HSD17B11: variants seen among roughly 807,000 people sequenced by gnomAD.
The protein encoded by HSD17B11 is estradiol 17-beta-dehydrogenase 11.
Under a neutral mutation model 27.8 loss-of-function variants are expected in HSD17B11, and 22 were observed. That is an observed-to-expected ratio of 0.79 (90% CI 0.56 to 1.13). The LOEUF (loss-of-function observed/expected upper bound fraction) is 1.13. HSD17B11 is among the 50% of genes most tolerant of loss of function. The pLI is 0.00. For missense variants in HSD17B11, 314 were observed against 351.1 expected (o/e 0.89, Z 0.84); for synonymous variants, 117 against 132.8 (o/e 0.88, Z 0.82).
At chr4:87,345,850 A>G (rs926956389) in intron 5 of HSD17B11, among the ~76,000 whole-genome samples, 5 of 152,184 alleles carry the variant, frequency 3.3e-5, no homozygotes, top group Non-Finnish European at 7.4e-5. Context: ...ATGGCTTCAT[A>G]ATGAATTCTA....
chr4:87,388,288 T>C (rs1560773457), intron 1 of HSD17B11, among the ~76,000 whole-genome samples: 1 of 152,182 alleles, frequency 6.6e-6, no homozygotes, highest in Non-Finnish European at 1.5e-5. Flanking sequence ...CTTTTCTTCA[T>C]ACTAAGTCTG....
At chr4:87,339,467 TA>T (rs1735123542) in intron 6 of HSD17B11, among the ~76,000 whole-genome samples, 1 of 152,220 alleles carries the variant, frequency 6.6e-6, no homozygotes, top group Non-Finnish European at 1.5e-5. Context: ...ACATCCATGT[TA>T]AAATCTTTAG....
chr4:87,366,390 G>A (rs992727014), intron 4 of HSD17B11, among the ~76,000 whole-genome samples: 1 of 152,096 alleles, frequency 6.6e-6, no homozygotes, highest in Non-Finnish European at 1.5e-5. Context: ...TGTCTCTAAG[G>A]TTTTATTAAA....
At chr4:87,353,836 T>C (rs1735330868) in intron 5 of HSD17B11, among the ~76,000 whole-genome samples, 1 of 152,228 alleles carries the variant, frequency 6.6e-6, no homozygotes, top group Non-Finnish European at 1.5e-5. Flanking sequence ...AAATATGTTA[T>C]TTTAGTATCC....
chr4:87,340,042 G>C (rs1162106346), intron 6 of HSD17B11, among the ~76,000 whole-genome samples: 2 of 151,986 alleles, frequency 1.3e-5, no homozygotes, highest in African/African-American at 2.4e-5. Flanking sequence ...AAGACTCAAG[G>C]ATTTCTAAAA....
chr4:87,371,004 G>A (rs1207089277), intron 4 of HSD17B11, among the ~76,000 whole-genome samples: 1 of 136,690 alleles, frequency 7.3e-6, no homozygotes, highest in African/African-American at 3.1e-5. Flanking sequence ...CGCCCGCCTC[G>A]GCCTCCCAAA....
chr4:87,377,790 A>G (rs1560768626), intron 2 of HSD17B11, among the ~76,000 whole-genome samples: 1 of 152,218 alleles, frequency 6.6e-6, no homozygotes, highest in East Asian at 1.9e-4. Flanking sequence ...ATTTAGAGAT[A>G]GTGCTACAGT....
chr4:87,378,050 A>G (rs2110128044), intron 2 of HSD17B11, among the ~76,000 whole-genome samples: 1 of 152,272 alleles, frequency 6.6e-6, no homozygotes, highest in South Asian at 2.1e-4. Context: ...AGCCCAAGAC[A>G]AGCCACCCCA....
At chr4:87,345,870 T>G (rs191190460) in intron 5 of HSD17B11, among the ~76,000 whole-genome samples, 1 of 152,208 alleles carries the variant, frequency 6.6e-6, no homozygotes, top group Non-Finnish European at 1.5e-5. Context: ...ACCCAATGTT[T>G]AAAAAAGAAT....
At chr4:87,388,253 AATT>A (rs1363877029) in intron 1 of HSD17B11, among the ~76,000 whole-genome samples, 1 of 152,162 alleles carries the variant, frequency 6.6e-6, no homozygotes. Flanking sequence ...ACTATATAAA[AATT>A]ATTAACACAA....
At chr4:87,359,445 AG>A (rs1362526510) in intron 4 of HSD17B11, among the ~76,000 whole-genome samples, 2 of 152,186 alleles carry the variant, frequency 1.3e-5, no homozygotes, top group African/African-American at 4.8e-5. Flanking sequence ...ACTTCAACCT[AG>A]GAACTTCTGT....
In HSD17B11 at chr4:87,354,957, A is replaced by G. The variant is rs1162410639; in HGVS notation, c.695+2322T>C. Among the ~76,000 whole-genome samples, 4 of 150,988 alleles carry G rather than the reference A, an allele frequency of 2.6e-5. 1 individual carries two copies. Among genetic ancestry groups the G allele is most frequent in the African/African-American group, 9.7e-5 (4 of 41,094 alleles). On this transcript the variant is annotated intron_variant, in intron 5 of 6. Coordinates refer to ENST00000358290, the MANE Select transcript of HSD17B11 (RefSeq NM_016245.5). ...AGCAAAATCCTGGCTCTCAAAAAAA[A>G]AAAAAAAAAAAAAAATTAGCTGGGC...
intron 1 of HSD17B11, 45 bp from the exon 2 acceptor site, chr4:87,382,407 ATAT>A: frequency 9.1e-7 from 1 of 1,102,950 alleles, no homozygotes; most frequent in East Asian, 2.4e-5. Context: ...TGATATGAAC[ATAT>A]TATATCGACA....
intron 2 of HSD17B11, among the ~76,000 whole-genome samples, chr4:87,376,835 A>G (rs2110127340): frequency 6.6e-6 from 1 of 152,314 alleles, no homozygotes; most frequent in South Asian, 2.1e-4. Context: ...CTGGACTGTA[A>G]AGACTATTTG....
chr4:87,381,664 T>C (rs1720171557), intron 2 of HSD17B11, among the ~76,000 whole-genome samples: 1 of 148,438 alleles, frequency 6.7e-6, no homozygotes, highest in Non-Finnish European at 1.5e-5. Flanking sequence ...GAGGCTGAGG[T>C]GGGAGGATTG....
intron 1 of HSD17B11, among the ~76,000 whole-genome samples, chr4:87,383,901 T>A (rs1720237145): frequency 6.6e-6 from 1 of 152,108 alleles, no homozygotes; most frequent in African/African-American, 2.4e-5. Flanking sequence ...TACTTTTGCA[T>A]CAACCTAATA....
At chr4:87,374,955 G>A (rs1735790550) in intron 2 of HSD17B11, 125 bp from the exon 3 acceptor site, 2 of 617,014 alleles carry the variant, frequency 3.2e-6, no homozygotes, top group Non-Finnish European at 5.1e-6. Context: ...GTACAGTGGC[G>A]AAATCTTGGC....
At chr4:87,338,448 A>G (rs1364944835) in intron 6 of HSD17B11, among the ~76,000 whole-genome samples, 1 of 152,258 alleles carries the variant, frequency 6.6e-6, no homozygotes, top group Non-Finnish European at 1.5e-5. Flanking sequence ...AACAAGAATT[A>G]GGGCAATGAT....
chr4:87,385,461 G>T (rs553077462), intron 1 of HSD17B11, among the ~76,000 whole-genome samples: 3 of 152,214 alleles, frequency 2.0e-5, no homozygotes, highest in Non-Finnish European at 2.9e-5. Flanking sequence ...AATGGGTACA[G>T]ATTTTCATCT....
Sources: gnomAD v4.1 joint callset for allele counts (sites outside exome capture counted in the v4.1 genomes callset) on GRCh38, gnomAD v4.1.1 for gene constraint, MANE v1.5 for transcripts, NCBI Gene and HGNC (gene_info 2026-07-23, HGNC 2026-07-21) for gene names.